Variants in HEMK1 observed in about 807,000 individuals in gnomAD.
The protein encoded by HEMK1 is HemK methyltransferase 1, mitochondrial release factors N(5)-glutamine.
A neutral mutation model predicts 47.9 loss-of-function variants in HEMK1; 36 were observed. That is an observed-to-expected ratio of 0.75 (90% confidence interval 0.58 to 0.99). The LOEUF is 0.99. Among genes scored for constraint, HEMK1 ranks in the 50% least tolerant of loss-of-function variants. The pLI is 0.00. For missense variants in HEMK1, 383 were observed against 434.5 expected, an observed-to-expected ratio of 0.88 and a Z score of 1.05; for synonymous variants, 153 against 165.4, an observed-to-expected ratio of 0.93 and a Z score of 0.57.
intron 4 of HEMK1, among the ~76,000 whole-genome samples, chr3:50,574,786 A>G (rs1406994977): frequency 6.6e-6 from 1 of 152,116 alleles, no homozygotes; most frequent in Non-Finnish European, 1.5e-5. Context: ...GCTAGTGAAT[A>G]CACACTCTCT....
intron 10 of HEMK1, 57 bp downstream of exon 10, chr3:50,580,286 C>T (rs528183626): frequency 1.3e-5 from 21 of 1,604,634 alleles, no homozygotes; most frequent in African/African-American, 1.1e-4. Context: ...CTGGGGCCAT[C>T]CTCAGCCCTG....
chr3:50,578,435 T>G (rs2030157154), intron 7 of HEMK1, among the ~76,000 whole-genome samples: 1 of 152,230 alleles, frequency 6.6e-6, no homozygotes, highest in African/African-American at 2.4e-5. Flanking sequence ...AATTGGCTGA[T>G]GAGGCCAGGC....
upstream of HEMK1, chr3:50,569,254 A>C (rs1700608519): frequency 6.6e-6 from 1 of 152,340 alleles, no homozygotes; most frequent in Admixed American, 6.5e-5. Flanking sequence ...CCCTGCTGTG[A>C]TTTTAAGGAA....
Position 50,580,829 on chromosome 3 carries a change from G to A in HEMK1, c.*412G>A, listed in dbSNP as rs941542959. ...GGGGGTGCAGTGTGGAGGAAGGCAC[G>A]TGAGTCCTCACTCCTGGCCTTGGAT... On this transcript the variant is annotated 3_prime_UTR_variant, in exon 11 of 11. Transcript: ENST00000232854. 4 of 257,240 alleles carry A rather than the reference G, an allele frequency of 1.6e-5. No individual in the cohort carries two copies. The highest frequency in any genetic ancestry group is 5.1e-5 in the Admixed American group (1 of 19,472). The allele number at this position is 257,240 out of a possible 1,614,324, so 15.9% of individuals were successfully genotyped here.
rs192219149 is a variant in HEMK1 at position 50,571,773 on chromosome 3, C to A, written c.292C>A (p.Arg98=). Residue 98 remains arginine (R), a synonymous_variant, in exon 3 of 11, where the codon CGG becomes AGG. Transcript: ENST00000232854. Reference sequence around the variant, plus strand: ...GACCTCTCAGCAACTACAGTGTATCCGGGAGCTGAGTAGCCGTCGATTGCA... The same window carrying A: ...GACCTCTCAGCAACTACAGTGTATCAGGGAGCTGAGTAGCCGTCGATTGCA... ...PLTSQQLQCI[R]ELSSRRLQRM... is the part of the protein sequence containing the mutation. 5.0e-6 allele frequency: 8 copies of A among 1,614,124 alleles called. No homozygotes were observed. The highest frequency in any genetic ancestry group is 1.3e-5 in the African/African-American group (1 of 75,026).
At chr3:50,574,683 C>A (rs1701378434) in intron 4 of HEMK1, among the ~76,000 whole-genome samples, 1 of 152,224 alleles carries the variant, frequency 6.6e-6, no homozygotes, top group Admixed American at 6.5e-5. Context: ...CAGCCCTATA[C>A]TGCTCACTCT....
At chr3:50,569,305 A>G (rs943550213), upstream of HEMK1, 1 of 152,288 alleles carries the variant, frequency 6.6e-6, no homozygotes. Context: ...CCCCACACAC[A>G]TCCCCGCACT....
rs2031527601 is a variant in HEMK1, at chr3:50,588,475, C to CTG, written c.*8058_*8059insTG. 1 of 152,264 alleles carries CTG rather than the reference C, an allele frequency of 6.6e-6. No homozygotes were observed. The highest frequency in any genetic ancestry group is 1.5e-5 in the Non-Finnish European group (1 of 68,074). 9.4% of individuals were successfully genotyped at this position (152,264 alleles called of 1,614,324 possible). A position where few individuals can be genotyped will look rare whatever the true frequency, so the allele number is the denominator to read the frequency against. ...GGGCCTCAGGAGCCAGTTAGGTGCC[C>CTG]CACAGCCAACGTGGGCTCCAGGGTG... On this transcript the variant is annotated 3_prime_UTR_variant, in exon 11 of 11. Coordinates refer to ENST00000232854, the MANE Select transcript of HEMK1 (RefSeq NM_016173.5).
Position 50,580,804 on chromosome 3 carries a change from G to C in HEMK1, c.*387G>C, listed in dbSNP as rs2030707141. The stretch of plus-strand genomic sequence containing the variant: ...TCAGTCCCCTGCTTGGTAGTGGTGT[G>C]GGGGTGCAGTGTGGAGGAAGGCACG... On this transcript the variant is annotated 3_prime_UTR_variant, in exon 11 of 11. Transcript: ENST00000232854. 3.2e-6 allele frequency: 1 copy of C among 308,224 alleles called. No individual in the cohort carries two copies. The highest frequency in any genetic ancestry group is 4.8e-5 in the Admixed American group (1 of 20,660). The allele number at this position is 308,224 out of a possible 1,614,324, so 19.1% of individuals were successfully genotyped here. A position where few individuals can be genotyped will look rare whatever the true frequency, so the allele number is the denominator to read the frequency against.
At position 50,585,501 on chromosome 3, in the gene HEMK1, A is replaced by C. The variant is rs1232059629; in HGVS notation, c.*5084A>C. On this transcript the variant is annotated 3_prime_UTR_variant, in exon 11 of 11. Coordinates refer to ENST00000232854, the MANE Select transcript of HEMK1 (RefSeq NM_016173.5). ...CCCTGTCCCTGTCCAAGCTGGGACTAGGACCTCCCTTTCCAGGGGTACTAA... is the reference window on the plus strand; with the variant it reads ...CCCTGTCCCTGTCCAAGCTGGGACTCGGACCTCCCTTTCCAGGGGTACTAA... 6.6e-6 allele frequency: 1 copy of C among 152,272 alleles called. No homozygotes were observed. Among genetic ancestry groups the C allele is most frequent in the African/African-American group, 2.4e-5 (1 of 41,448 alleles). 9.4% of individuals were successfully genotyped at this position (152,272 alleles called of 1,614,324 possible).
intron 6 of HEMK1, 112 bp from the exon 7 acceptor site, chr3:50,577,707 ATGGGTAG>A: frequency 7.4e-7 from 1 of 1,347,596 alleles, no homozygotes; most frequent in African/African-American, 1.4e-5. Context: ...GGGGTTCTGA[ATGGGTAG>A]TGGGCAGTGA....
chr3:50,574,377 G>A (rs988630744), intron 4 of HEMK1, among the ~76,000 whole-genome samples: 2 of 152,192 alleles, frequency 1.3e-5, no homozygotes, highest in Non-Finnish European at 2.9e-5. Context: ...ATGAGTTTCC[G>A]GTGCTCTGGA....
chr3:50,571,998 G>A, intron 3 of HEMK1, 117 bp from the exon 4 acceptor site: 1 of 1,526,348 alleles, frequency 6.6e-7, no homozygotes, highest in South Asian at 1.2e-5. Flanking sequence ...GGAGTCCCAA[G>A]GCCCTGGAGA....
chr3:50,569,888 G>A (rs1700718387), intron 1 of HEMK1: 1 of 151,844 alleles, frequency 6.6e-6, no homozygotes, highest in Non-Finnish European at 1.5e-5. Context: ...AGGCTGGAGT[G>A]CAGTGGCATG....
Position 50,586,648 on chromosome 3 carries a change from T to A in HEMK1, c.*6231T>A, listed in dbSNP as rs965098360. 1 of 152,206 alleles carries A rather than the reference T, an allele frequency of 6.6e-6. No individual in the cohort carries two copies. Among genetic ancestry groups the A allele is most frequent in the Non-Finnish European group, 1.5e-5 (1 of 68,120 alleles). The allele number at this position is 152,206 out of a possible 1,614,324, so 9.4% of individuals were successfully genotyped here. The stretch of plus-strand genomic sequence containing the variant: ...TCCCCTACTGAGCCCAGGGAGCAGA[T>A]TGTTGGTGCCTGAAGCGCTCACAGA... On this transcript the variant is annotated 3_prime_UTR_variant, in exon 11 of 11. Transcript: ENST00000232854.
intron 4 of HEMK1, among the ~76,000 whole-genome samples, chr3:50,575,521 C>G (rs1278692062): frequency 6.6e-6 from 1 of 152,226 alleles, no homozygotes; most frequent in African/African-American, 2.4e-5. Flanking sequence ...TGAGTCAGAC[C>G]TCAGGTCTTC....
At chr3:50,576,315 T>A (rs1310327022) in intron 4 of HEMK1, among the ~76,000 whole-genome samples, 1 of 152,206 alleles carries the variant, frequency 6.6e-6, no homozygotes, top group African/African-American at 2.4e-5. Flanking sequence ...ATGGGACACT[T>A]GTGAGGATTT....
At chr3:50,580,316 G>C in intron 10 of HEMK1, 65 bp from the exon 11 acceptor site, 1 of 1,608,430 alleles carries the variant, frequency 6.2e-7, no homozygotes, top group Non-Finnish European at 8.5e-7. Context: ...AGAGTGTGCT[G>C]TTCCCACTTC....
In HEMK1 at chr3:50,580,138, C is replaced by G; in HGVS notation, c.889C>G (p.Pro297Ala). 1 of 1,614,102 alleles carries G rather than the reference C, an allele frequency of 6.2e-7. No individual in the cohort carries two copies. Among genetic ancestry groups the G allele is most frequent in the Non-Finnish European group, 8.5e-7 (1 of 1,179,970 alleles). The change falls in exon 10 of 11, where the codon CCA becomes GCA. Residue 297 changes from proline (P) to alanine (A), a missense_variant. Physicochemically the swap from Pro to Ala is conservative, Grantham distance 27. Transcript: ENST00000232854. ...DSGSIFLEVD[P>A]RHPELVSSWL... The stretch of plus-strand genomic sequence containing the variant: ...TAGTAGTATCTTCTTAGAAGTGGAC[C>G]CAAGGCACCCGGAGCTTGTCAGCAG...
Sources: gnomAD v4.1 joint callset for allele counts (sites outside exome capture counted in the v4.1 genomes callset) on GRCh38, gnomAD v4.1.1 for gene constraint, MANE v1.5 for transcripts, NCBI Gene and HGNC (gene_info 2026-07-23, HGNC 2026-07-21) for gene names.